The following ATP6V0A1 variants were observed in gnomAD, a reference collection of about 807,000 sequenced individuals.
ATP6V0A1 encodes the protein V-type proton ATPase 116 kDa subunit a 1.
ATP6V0A1 carries 43 observed loss-of-function variants against 105.4 expected under a neutral mutation model. The ratio of observed to expected loss-of-function variants is 0.41; its 90% CI spans 0.32 to 0.53. The LOEUF is 0.53. Among genes scored for constraint, ATP6V0A1 ranks in the 20% least tolerant of loss-of-function variants. ATP6V0A1 has a pLI of 0.30. For missense variants in ATP6V0A1, 676 were observed against 1,051.1 expected (o/e 0.64, Z 4.93); for synonymous variants, 362 against 372.8 (o/e 0.97, Z 0.33).
intron 21 of ATP6V0A1, chr17:42,520,243 C>A: frequency 2.8e-6 from 1 of 355,136 alleles, no homozygotes; most frequent in East Asian, 7.4e-5. Context: ...TTTTTCTGCC[C>A]TTATTTGGTG....
intron 17 of ATP6V0A1, among the ~76,000 whole-genome samples, chr17:42,507,048 G>A (rs1014591476): frequency 6.6e-6 from 1 of 152,134 alleles, no homozygotes; most frequent in Non-Finnish European, 1.5e-5. Context: ...TGGAATTCTT[G>A]GGCTCCTGTT....
intron 2 of ATP6V0A1, among the ~76,000 whole-genome samples, chr17:42,463,050 G>T (rs1390525742): frequency 8.3e-6 from 1 of 121,044 alleles, no homozygotes; most frequent in African/African-American, 3.2e-5. Context: ...CTGTCGCCCA[G>T]GCTGGAGTGT....
intron 17 of ATP6V0A1, among the ~76,000 whole-genome samples, chr17:42,506,283 G>A (rs2092019593): frequency 6.6e-6 from 1 of 152,160 alleles, no homozygotes; most frequent in African/African-American, 2.4e-5. Context: ...ACAATTTCTG[G>A]GAGTAGTATT....
chr17:42,492,160 G>A (rs1174400996), intron 11 of ATP6V0A1, among the ~76,000 whole-genome samples: 3 of 151,956 alleles, frequency 2.0e-5, no homozygotes, highest in African/African-American at 4.8e-5. Context: ...CATGAGGTCA[G>A]GAGTTTGAGA....
At position 42,461,002 on chromosome 17, in the gene ATP6V0A1, G is replaced by C. The variant is rs1332418979; in HGVS notation, c.108G>C (p.Gln36His). Residue 36 changes from glutamine (Q) to histidine (H), a missense_variant, in exon 2 of 22, where the codon CAG becomes CAC. Gln to His is a conservative substitution (Grantham distance 24). Transcript: ENST00000343619. ...AATTAGGAGAACTTGGAAAGGTTCA[G>C]TTTCGTGACGTAAGTAGTTGTGGGG... Reference protein sequence around the residue: ...VSELGELGKVQFRDLNPDVNV... With the variant: ...VSELGELGKVHFRDLNPDVNV... 6.2e-7 allele frequency: 1 copy of C among 1,613,182 alleles called. No individual in the cohort carries two copies. Among genetic ancestry groups the C allele is most frequent in the East Asian group, 2.2e-5 (1 of 44,888 alleles).
At chr17:42,462,347 T>C (rs1333346228) in intron 2 of ATP6V0A1, among the ~76,000 whole-genome samples, 1 of 152,180 alleles carries the variant, frequency 6.6e-6, no homozygotes, top group Admixed American at 6.6e-5. Flanking sequence ...CAGTCCTTTC[T>C]TCCACCCCAG....
At chr17:42,489,654 T>A (rs1360651968) in intron 10 of ATP6V0A1, among the ~76,000 whole-genome samples, 3 of 152,158 alleles carry the variant, frequency 2.0e-5, no homozygotes, top group African/African-American at 7.2e-5. Flanking sequence ...CAAAGCTGAC[T>A]GGCCAGGAGA....
chr17:42,500,806 G>A lies in ATP6V0A1; in HGVS notation c.1779G>A (p.Lys593=), dbSNP rs760127145. Residue 593 remains lysine (K), a synonymous_variant, in exon 16 of 22, where the codon AAG becomes AAA. Coordinates refer to ENST00000343619, the MANE Select transcript of ATP6V0A1 (RefSeq NM_001130021.3). ...FGYLVILIFY[K]WTAYDAHTSE... ...ATTTGGTTATCCTTATTTTTTACAAGTGGACGGCCTATGATGCTCATACCT... is the reference window on the plus strand; with the variant it reads ...ATTTGGTTATCCTTATTTTTTACAAATGGACGGCCTATGATGCTCATACCT... The A allele has an allele frequency of 6.2e-6, 10 of 1,613,652 alleles. No individual in the cohort carries two copies. Among genetic ancestry groups the A allele is most frequent in the Non-Finnish European group, 6.8e-6 (8 of 1,179,742 alleles).
intron 19 of ATP6V0A1, 145 bp from the exon 20 acceptor site, chr17:42,513,716 G>C (rs2092464563): frequency 1.3e-6 from 1 of 758,848 alleles, no homozygotes; most frequent in Non-Finnish European, 2.2e-6. Context: ...GGTGCTTCTG[G>C]CCCCTCCAGA....
chr17:42,479,710 C>T (rs2089249324), intron 7 of ATP6V0A1, among the ~76,000 whole-genome samples: 1 of 152,182 alleles, frequency 6.6e-6, no homozygotes, highest in African/African-American at 2.4e-5. Flanking sequence ...AGTGTGGTTA[C>T]ACTTCAGGTG....
chr17:42,496,614 G>C (rs1392559310), intron 14 of ATP6V0A1: 1 of 151,678 alleles, frequency 6.6e-6, no homozygotes, highest in Non-Finnish European at 1.5e-5. Context: ...ACAGAGTCAG[G>C]TGGATCACTT....
At chr17:42,505,373 T>C (rs1025002959) in intron 17 of ATP6V0A1, among the ~76,000 whole-genome samples, 2 of 152,058 alleles carry the variant, frequency 1.3e-5, no homozygotes, top group Admixed American at 6.5e-5. Context: ...CCCCGGCTAA[T>C]TTTTGTATTT....
intron 10 of ATP6V0A1, among the ~76,000 whole-genome samples, chr17:42,487,653 G>GGGA (rs1186357238): frequency 6.6e-6 from 1 of 152,088 alleles, no homozygotes; most frequent in Non-Finnish European, 1.5e-5. Flanking sequence ...AAGTGAACCT[G>GGGA]GGAGGCGGAG....
Position 42,460,835 on chromosome 17 carries a change from C to T in ATP6V0A1, c.-47-13C>T. ...GTAATTTCCAAAGTTATGTCATTTT[C>T]TCTTTGCTTCAGGTTGGAGAGAAAT... On this transcript the variant is annotated splice_polypyrimidine_tract_variant and intron_variant, in intron 1 of 21. Transcript: ENST00000343619. 2.2e-6 allele frequency: 3 copies of T among 1,375,384 alleles called. No homozygotes were observed. Among genetic ancestry groups the T allele is most frequent in the Non-Finnish European group, 3.1e-6 (3 of 966,342 alleles). 85.2% of individuals were successfully genotyped at this position (1,375,384 alleles called of 1,614,324 possible).
At chr17:42,467,637 C>G (rs2087273838) in intron 3 of ATP6V0A1, among the ~76,000 whole-genome samples, 1 of 152,166 alleles carries the variant, frequency 6.6e-6, no homozygotes, top group South Asian at 2.1e-4. Flanking sequence ...GCATTATACT[C>G]TTCTTCATAA....
intron 5 of ATP6V0A1, among the ~76,000 whole-genome samples, chr17:42,475,992 C>CA (rs1321358893): frequency 1.3e-5 from 2 of 152,148 alleles, no homozygotes; most frequent in Admixed American, 6.6e-5. Flanking sequence ...GTGAGACAGG[C>CA]AGGCAAGTAG....
chr17:42,513,534 G>A (rs2092454928), intron 19 of ATP6V0A1: 2 of 254,766 alleles, frequency 7.9e-6, no homozygotes, highest in African/African-American at 4.4e-5. Context: ...CTCCTCTCTT[G>A]AGCACAGAGC....
intron 14 of ATP6V0A1, among the ~76,000 whole-genome samples, chr17:42,497,300 C>CAAAA (rs1220778376): frequency 1.7e-5 from 1 of 57,560 alleles, no homozygotes. Flanking sequence ...GACCCTGTCT[C>CAAAA]AAAAAAAAAA....
At chr17:42,504,172 G>A (rs2091874699) in intron 17 of ATP6V0A1, among the ~76,000 whole-genome samples, 1 of 152,220 alleles carries the variant, frequency 6.6e-6, no homozygotes, top group Non-Finnish European at 1.5e-5. Flanking sequence ...CAGTCTACAA[G>A]AAAGTCTCTG....
Sources: gnomAD v4.1 joint callset for allele counts (sites outside exome capture counted in the v4.1 genomes callset) on GRCh38, gnomAD v4.1.1 for gene constraint, MANE v1.5 for transcripts, NCBI Gene and HGNC (gene_info 2026-07-23, HGNC 2026-07-21) for gene names.